Variants in ATP1A4 observed in about 807,000 individuals in gnomAD.
ATP1A4 encodes the protein sodium/potassium-transporting ATPase subunit alpha-4.
A neutral mutation model predicts 114.3 loss-of-function variants in ATP1A4; 90 were observed. The observed-to-expected ratio is 0.79, with a 90% confidence interval of 0.66 to 0.94. The LOEUF (loss-of-function observed/expected upper bound fraction) is 0.94. Among genes scored for constraint, ATP1A4 ranks in the 40% least tolerant of loss-of-function variants. The pLI, the probability that ATP1A4 is intolerant of heterozygous loss-of-function variation, is 0.00. For synonymous variants in ATP1A4, 511 were observed against 494.1 expected (o/e 1.03, Z -0.45); for missense variants, 1,222 against 1,313.6 (o/e 0.93, Z 1.08).
intron 1 of ATP1A4, among the ~76,000 whole-genome samples, chr1:160,152,707 C>G (rs952105913): frequency 4.6e-5 from 7 of 152,100 alleles, no homozygotes; most frequent in Non-Finnish European, 1.5e-5. Flanking sequence ...CCCGAACCCC[C>G]GTGAAATGTT....
chr1:160,156,745 G>T (rs919556098), intron 4 of ATP1A4, among the ~76,000 whole-genome samples: 13 of 152,136 alleles, frequency 8.5e-5, no homozygotes, highest in African/African-American at 3.1e-4. Context: ...ATTTAAGTCT[G>T]CAGTGAACTG....
At chr1:160,167,234 G>C (rs1006923932) in intron 9 of ATP1A4, 44 bp from the exon 10 acceptor site, 24 of 1,571,318 alleles carry the variant, frequency 1.5e-5, no homozygotes, top group Non-Finnish European at 2.1e-5. Context: ...TCATGCCCAG[G>C]TAGCATGCCC....
intron 12 of ATP1A4, among the ~76,000 whole-genome samples, chr1:160,172,497 A>G (rs1194378694): frequency 6.7e-6 from 1 of 150,070 alleles, no homozygotes; most frequent in Non-Finnish European, 1.5e-5. Context: ...GAGGTAGAAA[A>G]TCCTCTTTGG....
chr1:160,186,480 C>A, intron 21 of ATP1A4, 113 bp downstream of exon 21: 2 of 1,077,384 alleles, frequency 1.9e-6, no homozygotes, highest in Non-Finnish European at 2.8e-6. Flanking sequence ...CTCCTCGCTG[C>A]CAGCCTTGAC....
At chr1:160,161,071 A>T (rs1652848757) in intron 6 of ATP1A4, among the ~76,000 whole-genome samples, 1 of 152,164 alleles carries the variant, frequency 6.6e-6, no homozygotes, top group Admixed American at 6.5e-5. Flanking sequence ...TAGATAGAAA[A>T]TGGTTTTGTA....
intron 6 of ATP1A4, 37 bp downstream of exon 6, chr1:160,159,563 C>A: frequency 6.5e-7 from 1 of 1,544,724 alleles, no homozygotes; most frequent in Non-Finnish European, 8.9e-7. Flanking sequence ...GATTCAAAAG[C>A]AGGCACCAAA....
intron 6 of ATP1A4, among the ~76,000 whole-genome samples, chr1:160,160,971 G>A (rs1476225778): frequency 6.6e-6 from 1 of 152,152 alleles, no homozygotes; most frequent in African/African-American, 2.4e-5. Context: ...CCCTTACAAA[G>A]TAGGGTTTTC....
rs768927713 is a variant in ATP1A4, at chr1:160,166,492, T to A, written c.1048-36T>A. On this transcript the variant is annotated intron_variant, in intron 7 of 21. Transcript: ENST00000368081. ...TGCAAAATGGTGTGAGTATTCCATCTCCCATGTGTATTCTCTCCTCTCTTC... is the reference window on the plus strand; with the variant it reads ...TGCAAAATGGTGTGAGTATTCCATCACCCATGTGTATTCTCTCCTCTCTTC... 6.2e-6 allele frequency: 10 copies of A among 1,608,554 alleles called. No individual in the cohort carries two copies. In the Admixed American group the frequency reaches 1.7e-4, roughly 27 times the overall value.
At chr1:160,173,842 T>C in intron 13 of ATP1A4, 125 bp downstream of exon 13, 1 of 1,261,518 alleles carries the variant, frequency 7.9e-7, no homozygotes, top group Non-Finnish European at 1.1e-6. Context: ...GGGTTTACAC[T>C]ACAAAGTAAA....
At chr1:160,166,438 T>C in intron 7 of ATP1A4, 90 bp from the exon 8 acceptor site, 4 of 1,482,318 alleles carry the variant, frequency 2.7e-6, no homozygotes, top group Non-Finnish European at 3.6e-6. Flanking sequence ...AAAATCAAAA[T>C]AGCATTAAAA....
Position 160,174,296 on chromosome 1 carries a change from A to G in ATP1A4, c.2142+35A>G, listed in dbSNP as rs761770439. 6.2e-6 allele frequency: 10 copies of G among 1,613,706 alleles called. No homozygotes were observed. The East Asian group carries it at 2.2e-4, about 36-fold the overall frequency. On this transcript the variant is annotated intron_variant, in intron 14 of 21. Transcript: ENST00000368081. The stretch of plus-strand genomic sequence containing the variant: ...GAAAAGGAGCCCCAAGGAAACTGGC[A>G]GAACTCCTGTGGCTTAGCCCCGTCC...
chr1:160,183,648 A>G (rs1405831198), intron 20 of ATP1A4, among the ~76,000 whole-genome samples: 1 of 152,234 alleles, frequency 6.6e-6, no homozygotes, highest in Non-Finnish European at 1.5e-5. Flanking sequence ...GGAATGAGCC[A>G]TGGCCTAGGC....
intron 18 of ATP1A4, among the ~76,000 whole-genome samples, chr1:160,179,707 A>AG (rs1653612022): frequency 6.6e-6 from 1 of 152,208 alleles, no homozygotes; most frequent in Admixed American, 6.5e-5. Context: ...TCTATGTACC[A>AG]GGTACTGTTC....
At chr1:160,181,585 G>A in intron 18 of ATP1A4, 99 bp from the exon 19 acceptor site, 1 of 1,281,512 alleles carries the variant, frequency 7.8e-7, no homozygotes, top group Non-Finnish European at 1.1e-6. Flanking sequence ...ATGAGGACCT[G>A]ACTCAGCCCA....
chr1:160,184,240 C>T (rs987279413), intron 20 of ATP1A4, among the ~76,000 whole-genome samples: 25 of 152,132 alleles, frequency 1.6e-4, no homozygotes, highest in South Asian at 2.1e-4. Flanking sequence ...CGTGAGCCAC[C>T]GCACCTGGCC....
chr1:160,181,958 G>A lies in ATP1A4; in HGVS notation c.2896G>A (p.Glu966Lys), dbSNP rs1653723754. 1.9e-6 allele frequency: 3 copies of A among 1,614,140 alleles called. No individual in the cohort carries two copies. Among genetic ancestry groups the A allele is most frequent in the Non-Finnish European group, 2.5e-6 (3 of 1,180,026 alleles). The part of the protein sequence containing the change: ...RNKVLIFGIL[E>K]ETLLAAFLSY... ...CAAAGTCTTAATATTTGGGATCCTG[G>A]AGGAGACACTCTTGGCTGCATTTCT... Residue 966 changes from glutamate (E) to lysine (K), a missense_variant, in exon 20 of 22, where the codon GAG becomes AAG. Transcript: ENST00000368081.
At position 160,159,105 on chromosome 1, in the gene ATP1A4, A is replaced by G. The variant is rs1329031046; in HGVS notation, c.629A>G (p.Asp210Gly). 1.2e-6 allele frequency: 2 copies of G among 1,613,776 alleles called. No homozygotes were observed. The highest frequency in any genetic ancestry group is 1.7e-6 in the Non-Finnish European group (2 of 1,179,956). ...EIKGGDRVPA[D>G]LRLISAQGCK... ...AAGGGTGGAGACCGAGTCCCTGCTG[A>G]CCTCCGGCTTATCTCTGCACAAGGA... The change falls in exon 5 of 22, where the codon GAC (aspartate) becomes GGC (glycine). Residue 210 changes from aspartate (D) to glycine (G), a missense_variant. Coordinates refer to ENST00000368081, the MANE Select transcript of ATP1A4 (RefSeq NM_144699.4).
Position 160,174,759 on chromosome 1 carries a change from G to A in ATP1A4, c.2311+12G>A. The A allele has an allele frequency of 6.2e-7, 1 of 1,613,656 alleles. No individual in the cohort carries two copies. The highest frequency in any genetic ancestry group is 8.5e-7 in the Non-Finnish European group (1 of 1,179,998). On this transcript the variant is annotated intron_variant, in intron 15 of 21. Coordinates refer to ENST00000368081, the MANE Select transcript of ATP1A4 (RefSeq NM_144699.4). ...GGGGGTGGAGGAGGGTGAGGAGGCA[G>A]GGTGCCCATGGTGGAGACTTCAACC...
rs1454552559 is a variant in ATP1A4, at chr1:160,173,636, T to G, written c.1910T>G (p.Val637Gly). 2.5e-6 allele frequency: 4 copies of G among 1,614,152 alleles called. No homozygotes were observed. The highest frequency in any genetic ancestry group is 3.4e-6 in the Non-Finnish European group (4 of 1,180,032). Residue 637 changes from valine (V) to glycine (G), a missense_variant, in exon 13 of 22, where the codon GTG becomes GGG. By Grantham distance (109) the Val-to-Gly change is moderately radical. Coordinates refer to ENST00000368081, the MANE Select transcript of ATP1A4 (RefSeq NM_144699.4). ...ACAGCTAAGGCCATTGCCAAGGGTG[T>G]GGGCATCATCTCAGAAGGCACTGAG... ...PITAKAIAKG[V>G]GIISEGTETA...
Sources: allele counts gnomAD v4.1 joint callset (sites outside exome capture counted in the v4.1 genomes callset), GRCh38; gene constraint gnomAD v4.1.1; transcripts MANE v1.5; gene names NCBI Gene and HGNC (gene_info 2026-07-23, HGNC 2026-07-21).